The following PTPRN2 variants were observed in gnomAD, a reference collection of about 807,000 sequenced individuals.
PTPRN2 encodes protein tyrosine phosphatase receptor type N2.
PTPRN2 carries 74 observed loss-of-function variants against 118.8 expected under a neutral mutation model. The observed-to-expected ratio is 0.62, with a 90% CI of 0.52 to 0.76. The LOEUF (loss-of-function observed/expected upper bound fraction) is 0.76, where lower values mean the gene tolerates loss of function less well. PTPRN2 is among the 30% of genes least tolerant of loss of function. The pLI is 0.00. For synonymous variants in PTPRN2, 641 were observed against 608.0 expected, an observed-to-expected ratio of 1.05 and a Z score of -0.80; for missense variants, 1,481 against 1,394.4, an observed-to-expected ratio of 1.06 and a Z score of -0.99.
intron 12 of PTPRN2, among the ~76,000 whole-genome samples, chr7:157,767,679 G>C (rs112125573): frequency 0.012 from 1,862 of 152,316 alleles, 37 homozygotes; most frequent in African/African-American, 0.043. Flanking sequence ...GTTTGGTGCT[G>C]TGCCTCTGCA....
intron 11 of PTPRN2, among the ~76,000 whole-genome samples, chr7:157,982,242 G>C (rs1351826554): frequency 2.1e-5 from 3 of 141,378 alleles, no homozygotes; most frequent in South Asian, 2.4e-4. Context: ...CAGAGTGCGG[G>C]GTCCCCCCAA....
chr7:158,083,842 G>C (rs1441896662), intron 10 of PTPRN2, among the ~76,000 whole-genome samples: 1 of 149,186 alleles, frequency 6.7e-6, no homozygotes, highest in Non-Finnish European at 1.5e-5. Context: ...CAGGAACCCT[G>C]TGGGAGGACG....
In PTPRN2 at chr7:158,044,832, C is replaced by CA. The variant is rs59437879; in HGVS notation, c.1723+36465dup. On this transcript the variant is annotated intron_variant, in intron 11 of 22. Transcript: ENST00000389418. Reference sequence around the variant, plus strand: ...GTGCCAGTTCGGCGATGACTAAGTACAAAAGAGTCTGCTGCAGGAGCAACA... The same window carrying CA: ...GTGCCAGTTCGGCGATGACTAAGTACAAAAAGAGTCTGCTGCAGGAGCAACA... Among the ~76,000 whole-genome samples the CA allele has an allele frequency of 3.0e-3, 457 of 152,268 alleles. 5 individuals carry two copies. The highest frequency in any genetic ancestry group is 0.011 in the African/African-American group (440 of 41,540).
intron 12 of PTPRN2, 49 bp from the exon 13 acceptor site, chr7:157,682,986 C>A (rs1447642861): frequency 6.9e-7 from 1 of 1,449,528 alleles, no homozygotes; most frequent in African/African-American, 1.4e-5. Flanking sequence ...AAAGCATGAC[C>A]TCCTAAAAAC....
chr7:158,336,858 T>A (rs1466646716), intron 2 of PTPRN2, among the ~76,000 whole-genome samples: 1,917 of 94,826 alleles, frequency 0.02, 3 homozygotes, highest in African/African-American at 0.069. Context: ...ACTCTCACCA[T>A]AAGAGCTGTC....
intron 2 of PTPRN2, among the ~76,000 whole-genome samples, chr7:158,396,423 C>G (rs934817789): frequency 6.6e-6 from 1 of 152,176 alleles, no homozygotes; most frequent in African/African-American, 2.4e-5. Context: ...TACATGTGCA[C>G]GTGTGTGTGC....
chr7:158,530,309 C>T (rs1487475158), intron 1 of PTPRN2, among the ~76,000 whole-genome samples: 5 of 152,166 alleles, frequency 3.3e-5, no homozygotes, highest in South Asian at 2.1e-4. Context: ...TTTTTTGTTT[C>T]TCTTCAATAC....
chr7:158,153,010 C>T (rs1252137831), intron 6 of PTPRN2, among the ~76,000 whole-genome samples: 1 of 146,786 alleles, frequency 6.8e-6, no homozygotes, highest in African/African-American at 2.5e-5. Flanking sequence ...ACCAGCATGC[C>T]AGCAGGCCAC....
intron 15 of PTPRN2, among the ~76,000 whole-genome samples, chr7:157,605,877 C>G (rs1475884482): frequency 6.6e-6 from 1 of 152,244 alleles, no homozygotes; most frequent in Non-Finnish European, 1.5e-5. Flanking sequence ...CACTCTGATC[C>G]ACAGGACTTG....
At chr7:158,126,013 C>T (rs893432898) in intron 9 of PTPRN2, among the ~76,000 whole-genome samples, 12 of 145,070 alleles carry the variant, frequency 8.3e-5, no homozygotes, top group South Asian at 2.2e-4. Context: ...ACACCAGCCC[C>T]GGAGAGCGGG....
chr7:157,888,993 T>A, intron 12 of PTPRN2, among the ~76,000 whole-genome samples: 1 of 152,226 alleles, frequency 6.6e-6, no homozygotes, highest in Non-Finnish European at 1.5e-5. Flanking sequence ...GGGTAAGGGA[T>A]ACATGAGACT....
intron 11 of PTPRN2, among the ~76,000 whole-genome samples, chr7:158,060,626 C>T (rs764820072): frequency 5.9e-5 from 9 of 152,228 alleles, no homozygotes; most frequent in Non-Finnish European, 1.2e-4. Context: ...CCACAGGTAG[C>T]AGGGGTTAGG....
At chr7:158,072,716 TCA>T (rs1167563201) in intron 11 of PTPRN2, among the ~76,000 whole-genome samples, 5 of 152,108 alleles carry the variant, frequency 3.3e-5, no homozygotes, top group Non-Finnish European at 7.4e-5. Flanking sequence ...AACTGTGCAC[TCA>T]CAGGGGACAC....
intron 1 of PTPRN2, among the ~76,000 whole-genome samples, chr7:158,541,202 G>C (rs1018641209): frequency 3.9e-5 from 6 of 152,162 alleles, no homozygotes; most frequent in African/African-American, 1.4e-4. Context: ...TGAAGACATA[G>C]GGTAAATTTT....
intron 14 of PTPRN2, among the ~76,000 whole-genome samples, chr7:157,651,931 G>T (rs1361380523): frequency 6.6e-6 from 1 of 152,088 alleles, no homozygotes; most frequent in Admixed American, 6.5e-5. Flanking sequence ...CCATTCACCC[G>T]CAGGTGAGCC....
rs570600524 is a variant in PTPRN2, at chr7:157,696,240, A to G, written c.1789-13303T>C. 5.7e-4 allele frequency among the ~76,000 whole-genome samples: 81 copies of G among 142,116 alleles called. 1 individual carries two copies. The highest frequency in any genetic ancestry group is 1.9e-3 in the African/African-American group (73 of 37,438). 93.2% of individuals were successfully genotyped at this position (142,116 alleles called of 152,430 possible). A position where few individuals can be genotyped will look rare whatever the true frequency, so the allele number is the denominator to read the frequency against. ...CAGAGCCCTCACCATCTACCCATGC[A>G]TACTGGATCTTAGTAGAGCCCTCAC... On this transcript the variant is annotated intron_variant, in intron 12 of 22. Transcript: ENST00000389418.
intron 9 of PTPRN2, among the ~76,000 whole-genome samples, chr7:158,128,641 G>T (rs904156525): frequency 6.6e-6 from 1 of 152,160 alleles, no homozygotes; most frequent in African/African-American, 2.4e-5. Flanking sequence ...TCCCTCCAGG[G>T]TGAGCCCATT....
chr7:158,283,788 C>T (rs1357913561), intron 3 of PTPRN2, among the ~76,000 whole-genome samples: 1 of 152,120 alleles, frequency 6.6e-6, no homozygotes, highest in Non-Finnish European at 1.5e-5. Flanking sequence ...CCAGCCCCTC[C>T]CTAATGGCCT....
intron 19 of PTPRN2, among the ~76,000 whole-genome samples, chr7:157,574,013 GAA>G (rs1208639168): frequency 2.0e-5 from 3 of 152,144 alleles, no homozygotes; most frequent in Non-Finnish European, 4.4e-5. Context: ...AAATAGAGAG[GAA>G]AACCACGACA....
Sources: gnomAD v4.1 joint callset for allele counts (sites outside exome capture counted in the v4.1 genomes callset) on GRCh38, gnomAD v4.1.1 for gene constraint, MANE v1.5 for transcripts, NCBI Gene and HGNC (gene_info 2026-07-23, HGNC 2026-07-21) for gene names.